DGKB: variants seen among roughly 807,000 people sequenced by gnomAD.
DGKB encodes the protein 90 kDa diacylglycerol kinase.
In DGKB, 67 loss-of-function variants were observed where a neutral mutation model predicts 114.3. The ratio of observed to expected loss-of-function variants is 0.59; its 90% CI spans 0.48 to 0.72. The LOEUF is 0.72. DGKB is among the 30% of genes least tolerant of loss of function. The pLI is 0.00. For missense variants in DGKB, 907 were observed against 975.2 expected (o/e 0.93, Z 0.93); for synonymous variants, 398 against 323.1 (o/e 1.23, Z -2.49).
At chr7:14,601,609 T>C (rs1803560902) in intron 17 of DGKB, among the ~76,000 whole-genome samples, 6 of 152,180 alleles carry the variant, frequency 3.9e-5, no homozygotes. Context: ...CATCTTACTA[T>C]AAGCAGTCAA....
At chr7:14,949,833 T>C (rs1426949829) in intron 1 of DGKB, among the ~76,000 whole-genome samples, 1 of 151,934 alleles carries the variant, frequency 6.6e-6, no homozygotes, top group Non-Finnish European at 1.5e-5. Flanking sequence ...ACCATCATTC[T>C]CAGCACACTA....
intron 21 of DGKB, among the ~76,000 whole-genome samples, chr7:14,459,777 C>T (rs529970711): frequency 1.3e-5 from 2 of 152,172 alleles, no homozygotes; most frequent in East Asian, 1.9e-4. Context: ...AGAAGAGCAA[C>T]CCCAAGACAC....
chr7:14,149,782 A>G (rs1036272812), intron 25 of DGKB, among the ~76,000 whole-genome samples: 1 of 152,182 alleles, frequency 6.6e-6, no homozygotes, highest in Non-Finnish European at 1.5e-5. Context: ...GTTAACATGC[A>G]TAAAAGGTCA....
intron 20 of DGKB, among the ~76,000 whole-genome samples, chr7:14,495,327 A>G (rs190259110): frequency 2.6e-5 from 4 of 151,994 alleles, no homozygotes; most frequent in Admixed American, 2.6e-4. Context: ...TTAAAAGGGT[A>G]TGTTTCTCAG....
chr7:14,613,191 T>A (rs1221772415), intron 16 of DGKB, 149 bp downstream of exon 16: 4 of 560,122 alleles, frequency 7.1e-6, no homozygotes, highest in Admixed American at 3.3e-5. Context: ...AAAAACAAGA[T>A]CATATAAACA....
At chr7:14,725,778 C>G (rs1423714466) in intron 5 of DGKB, among the ~76,000 whole-genome samples, 1 of 152,062 alleles carries the variant, frequency 6.6e-6, no homozygotes, top group Non-Finnish European at 1.5e-5. Context: ...AAACTCCCGA[C>G]CTCAAGTGAT....
At chr7:14,312,855 A>G (rs985404347) in intron 23 of DGKB, among the ~76,000 whole-genome samples, 5 of 152,258 alleles carry the variant, frequency 3.3e-5, no homozygotes, top group African/African-American at 7.2e-5. Flanking sequence ...AGGAATTTAG[A>G]AACTTTTTGT....
intron 2 of DGKB, among the ~76,000 whole-genome samples, chr7:14,770,151 T>A (rs1837206548): frequency 6.6e-6 from 1 of 152,056 alleles, no homozygotes; most frequent in East Asian, 1.9e-4. Context: ...TGTGGTATGT[T>A]CATTTAGGGC....
chr7:14,734,816 A>G (rs1474880860), intron 5 of DGKB, among the ~76,000 whole-genome samples: 1 of 152,178 alleles, frequency 6.6e-6, no homozygotes, highest in Admixed American at 6.5e-5. Flanking sequence ...CAGGTCTTCA[A>G]TTTTTAAGAG....
chr7:14,864,303 TA>T (rs1273208962), intron 1 of DGKB, among the ~76,000 whole-genome samples: 1 of 152,138 alleles, frequency 6.6e-6, no homozygotes, highest in African/African-American at 2.4e-5. Context: ...CAAAAAACAA[TA>T]AAAACAAACA....
At chr7:14,405,929 G>A (rs1287981963) in intron 21 of DGKB, among the ~76,000 whole-genome samples, 1 of 152,014 alleles carries the variant, frequency 6.6e-6, no homozygotes, top group African/African-American at 2.4e-5. Context: ...GGCTAATGAA[G>A]CAACACAAGA....
At chr7:14,481,492 T>C (rs907287835) in intron 20 of DGKB, among the ~76,000 whole-genome samples, 8 of 151,966 alleles carry the variant, frequency 5.3e-5, no homozygotes, top group African/African-American at 1.9e-4. Context: ...GTTTAAATAA[T>C]CTTTCTCTCA....
In DGKB at chr7:14,720,440, G is replaced by A. The variant is rs546874954; in HGVS notation, c.323-1755C>T. On this transcript the variant is annotated intron_variant, in intron 5 of 25. Coordinates refer to ENST00000402815, the MANE Select transcript of DGKB (RefSeq NM_001350709.2). ...CTGCCTCAGCCTCCTGAGTAGCTGG[G>A]ATTACTGGTGCGGGACACCACGCCC... 8.4e-4 allele frequency among the ~76,000 whole-genome samples: 127 copies of A among 151,834 alleles called. 1 individual carries two copies. The highest frequency in any genetic ancestry group is 2.9e-3 in the African/African-American group (121 of 41,338).
chr7:14,432,977 C>T (rs928628383), intron 21 of DGKB, among the ~76,000 whole-genome samples: 16 of 152,116 alleles, frequency 1.1e-4, no homozygotes, highest in Non-Finnish European at 2.2e-4. Context: ...AATAAACACA[C>T]ATGGTAAGAG....
chr7:14,606,297 G>A (rs1223283300), intron 17 of DGKB, among the ~76,000 whole-genome samples: 5 of 152,010 alleles, frequency 3.3e-5, no homozygotes, highest in African/African-American at 1.2e-4. Context: ...GCTTGACAAA[G>A]ACATTGTTCT....
At chr7:14,228,502 A>G in intron 23 of DGKB, among the ~76,000 whole-genome samples, 1 of 152,072 alleles carries the variant, frequency 6.6e-6, no homozygotes, top group East Asian at 1.9e-4. Flanking sequence ...GTAATCTGAA[A>G]ACAATTTTAG....
intron 17 of DGKB, among the ~76,000 whole-genome samples, chr7:14,599,290 G>A (rs1803126349): frequency 6.6e-6 from 1 of 152,106 alleles, no homozygotes; most frequent in African/African-American, 2.4e-5. Flanking sequence ...AAGAATCTTA[G>A]GTAAACCTAA....
At chr7:14,208,077 C>T (rs1009190047) in intron 23 of DGKB, among the ~76,000 whole-genome samples, 2 of 151,926 alleles carry the variant, frequency 1.3e-5, no homozygotes, top group Non-Finnish European at 1.5e-5. Flanking sequence ...CAGATTGTTG[C>T]TCCTTAAGTT....
At chr7:14,753,713 T>C (rs772090718) in intron 4 of DGKB, among the ~76,000 whole-genome samples, 4 of 152,138 alleles carry the variant, frequency 2.6e-5, no homozygotes, top group Non-Finnish European at 5.9e-5. Flanking sequence ...TCTATTAAGG[T>C]ACCAGCTCCT....
Sources: allele counts gnomAD v4.1 joint callset (sites outside exome capture counted in the v4.1 genomes callset), GRCh38; gene constraint gnomAD v4.1.1; transcripts MANE v1.5; gene names NCBI Gene and HGNC (gene_info 2026-07-23, HGNC 2026-07-21).